Variants in OXNAD1 observed in about 807,000 individuals in gnomAD.
OXNAD1 encodes the protein oxidoreductase NAD binding domain containing 1.
Under a neutral mutation model 32.9 loss-of-function variants are expected in OXNAD1, and 34 were observed. That is an observed-to-expected ratio of 1.03 (90% CI 0.79 to 1.38). The LOEUF (loss-of-function observed/expected upper bound fraction) is 1.38. Among genes scored for constraint, OXNAD1 ranks in the 40% most tolerant of loss-of-function variants. The probability of loss-of-function intolerance (pLI) is 0.00; values close to 1 mark genes in which losing one functional copy is unlikely to be tolerated. For missense variants in OXNAD1, 407 were observed against 379.4 expected, an observed-to-expected ratio of 1.07 and a Z score of -0.60; for synonymous variants, 134 against 135.2, an observed-to-expected ratio of 0.99 and a Z score of 0.06.
At position 16,278,499 on chromosome 3, in the gene OXNAD1, C is replaced by A. The variant is rs370678831; in HGVS notation, c.183+6777C>A. On this transcript the variant is annotated intron_variant, in intron 4 of 8. Transcript: ENST00000285083. ...TAGGATGACCCTGCTTCCTCATTTG[C>A]CTGAAATAGTCCTGGTTTATGCCTC... is the stretch of plus-strand genomic sequence containing the variant. 3.9e-5 allele frequency among the ~76,000 whole-genome samples: 6 copies of A among 152,284 alleles called. No homozygotes were observed. In the East Asian group the frequency reaches 1.2e-3, roughly 29 times the overall value.
At chr3:16,324,701 A>C (rs2069517452) in intron 9 of OXNAD1, among the ~76,000 whole-genome samples, 1 of 101,498 alleles carries the variant, frequency 9.9e-6, no homozygotes, top group Non-Finnish European at 2.1e-5. Flanking sequence ...ATATATATAT[A>C]TCACATTTTC....
Position 16,317,321 on chromosome 3 carries a change from A to T in OXNAD1, c.*30+13729A>T, listed in dbSNP as rs2068515981. The T allele has an allele frequency of 1.5e-6, 2 of 1,357,266 alleles. No individual in the cohort carries two copies. Among genetic ancestry groups the T allele is most frequent in the Non-Finnish European group, 1.0e-6 (1 of 981,172 alleles). 84.1% of individuals were successfully genotyped at this position (1,357,266 alleles called of 1,614,324 possible). A position where few individuals can be genotyped will look rare whatever the true frequency, so the allele number is the denominator to read the frequency against. ...CCTTGTTTGCATTCATACCCACACC[A>T]TGTCTGAGTGAGACATACAATTCCC... On this transcript the variant is annotated intron_variant, in intron 9 of 9. Coordinates refer to the OXNAD1 transcript ENST00000435829. The surrounding 1 kb of genome is among the most constrained non-coding windows in gnomAD (Gnocchi z 4.3).
chr3:16,343,737 A>G (rs2071462061), intron 9 of OXNAD1, among the ~76,000 whole-genome samples: 1 of 152,256 alleles, frequency 6.6e-6, no homozygotes, highest in South Asian at 2.1e-4. Context: ...CCTGCAACAC[A>G]AAAGGAACTA....
chr3:16,312,591 G>A lies in OXNAD1; in HGVS notation c.*30+8999G>A, dbSNP rs1251702156. Among the ~76,000 whole-genome samples, 2 of 152,228 alleles carry A rather than the reference G, an allele frequency of 1.3e-5. No homozygotes were observed. The highest frequency in any genetic ancestry group is 2.9e-5 in the Non-Finnish European group (2 of 68,036). ...GCTCCCTGCAGCACAGTGCCCCTAT[G>A]CCAGCTAGGAGCTCAGCTAGAGTGG... On this transcript the variant is annotated intron_variant, in intron 9 of 9. Transcript: ENST00000435829. This position sits in a 1 kb window ranked among gnomAD's most constrained non-coding sequence, Gnocchi z 4.7.
rs1320796736 is a variant in OXNAD1 at position 16,303,537 on chromosome 3, A to G, written c.914A>G (p.His305Arg). 2.5e-6 allele frequency: 4 copies of G among 1,613,900 alleles called. No individual in the cohort carries two copies. Among genetic ancestry groups the G allele is most frequent in the Admixed American group, 3.3e-5 (2 of 60,000 alleles). The change falls in exon 9 of 9, where the codon CAC becomes CGC. Residue 305 changes from histidine to arginine, a missense_variant. Coordinates refer to ENST00000285083, the MANE Select transcript of OXNAD1 (RefSeq NM_138381.5). The surrounding 1 kb of genome is among the most constrained non-coding windows in gnomAD (Gnocchi z 4.8). Reference protein sequence around the residue: ...QLENNHVPKEHICFEKWW With the variant: ...QLENNHVPKERICFEKWW ...GAAAACAACCATGTACCCAAAGAAC[A>G]CATTTGCTTTGAGAAGTGGTGGTAG...
In OXNAD1 at chr3:16,321,057, A is replaced by C. The variant is rs541390890; in HGVS notation, c.*31-16055A>C. On this transcript the variant is annotated intron_variant, in intron 9 of 9. Coordinates refer to the OXNAD1 transcript ENST00000435829. This position sits in a 1 kb window ranked among gnomAD's most constrained non-coding sequence, Gnocchi z 4.8. ...CCGGGACCTAACACAGATGGGTCTT[A>C]AGGATAGATTGAATATAGGGGAAGG... 4.1e-4 allele frequency among the ~76,000 whole-genome samples: 61 copies of C among 149,652 alleles called. No individual in the cohort carries two copies. Among genetic ancestry groups the C allele is most frequent in the Middle Eastern group, 3.5e-3 (1 of 286 alleles).
In OXNAD1 at chr3:16,346,924, C is replaced by G. The variant is rs1040205805; in HGVS notation, c.*31-2252C>G. Among the ~76,000 whole-genome samples the G allele has an allele frequency of 1.3e-5, 2 of 152,206 alleles. No individual in the cohort carries two copies. The highest frequency in any genetic ancestry group is 4.8e-5 in the African/African-American group (2 of 41,436). On this transcript the variant is annotated intron_variant, in intron 9 of 9. Transcript: ENST00000606098. The surrounding 1 kb of genome is among the most constrained non-coding windows in gnomAD (Gnocchi z 4.4). ...CTGTTGACAAAGCTGACTCTGCAAC[C>G]TCCCCACCTTGCTCTAGACTTCCTG...
downstream of OXNAD1, among the ~76,000 whole-genome samples, chr3:16,341,890 A>G (rs959226370): frequency 6.6e-6 from 1 of 152,214 alleles, no homozygotes; most frequent in Non-Finnish European, 1.5e-5. The surrounding 1 kb of genome is among the most constrained non-coding windows in gnomAD (Gnocchi z 4.7). Flanking sequence ...GCAAATATAG[A>G]TAGAATATAC....
intron 2 of OXNAD1, 41 bp downstream of exon 2, chr3:16,269,316 T>A (rs1459847151): frequency 2.2e-5 from 33 of 1,524,712 alleles, no homozygotes; most frequent in Non-Finnish European, 2.8e-5. Context: ...AAGGTAACAT[T>A]ATTGACTTAG....
intron 4 of OXNAD1, among the ~76,000 whole-genome samples, chr3:16,282,297 TG>T (rs1386796553): frequency 6.6e-6 from 1 of 151,838 alleles, no homozygotes; most frequent in Non-Finnish European, 1.5e-5. Context: ...CTGCTCTCCC[TG>T]AACTCTCCCA....
At chr3:16,283,241 C>G (rs1464188584) in intron 4 of OXNAD1, among the ~76,000 whole-genome samples, 1 of 152,188 alleles carries the variant, frequency 6.6e-6, no homozygotes, top group African/African-American at 2.4e-5. Flanking sequence ...TCTGCATACC[C>G]TGTTCCCCAG....
At position 16,269,187 on chromosome 3, in the gene OXNAD1, A is replaced by T. The variant is rs528709506; in HGVS notation, c.-97A>T. ...CCATGTTCCAACTGCTGTACATCCAAAAGTCTCAGTGTAATAGCAGGACCA... is the reference window on the plus strand; with the variant it reads ...CCATGTTCCAACTGCTGTACATCCATAAGTCTCAGTGTAATAGCAGGACCA... On this transcript the variant is annotated 5_prime_UTR_variant, in exon 2 of 9. It introduces an in-frame stop codon into an upstream open reading frame of the 5' UTR. Coordinates refer to ENST00000285083, the MANE Select transcript of OXNAD1 (RefSeq NM_138381.5). 8 of 1,525,146 alleles carry T rather than the reference A, an allele frequency of 5.2e-6. No individual in the cohort carries two copies. Among genetic ancestry groups the T allele is most frequent in the Non-Finnish European group, 7.0e-6 (8 of 1,143,662 alleles). The allele number at this position is 1,525,146 out of a possible 1,614,324, so 94.5% of individuals were successfully genotyped here.
At chr3:16,300,177 T>A (rs776507068) in intron 6 of OXNAD1, among the ~76,000 whole-genome samples, 8 of 152,212 alleles carry the variant, frequency 5.3e-5, no homozygotes, top group Non-Finnish European at 1.2e-4. Flanking sequence ...GAAATGAAAG[T>A]CATAGTTAAT....
chr3:16,302,489 G>A lies in OXNAD1; in HGVS notation c.676-151G>A. On this transcript the variant is annotated intron_variant, in intron 7 of 8. Coordinates refer to ENST00000285083, the MANE Select transcript of OXNAD1 (RefSeq NM_138381.5). This position sits in a 1 kb window ranked among gnomAD's most constrained non-coding sequence, Gnocchi z 4.2. ...AGCCCTCTGTAGTCTGAATGCTCTG[G>A]CCTGCTAGGCTGCAAACAATATCTC... The A allele has an allele frequency of 1.6e-6, 1 of 609,320 alleles. No individual in the cohort carries two copies. The highest frequency in any genetic ancestry group is 2.9e-6 in the Non-Finnish European group (1 of 342,176). 37.7% of individuals were successfully genotyped at this position (609,320 alleles called of 1,614,324 possible).
At chr3:16,326,801 G>C in intron 9 of OXNAD1, 1 of 1,614,118 alleles carries the variant, frequency 6.2e-7, no homozygotes, top group Non-Finnish European at 8.5e-7. Flanking sequence ...GGAGTTGGTA[G>C]CACACAGGTG....
Position 16,346,662 on chromosome 3 carries a change from A to G in OXNAD1, c.*31-2514A>G, listed in dbSNP as rs370332535. 1.1e-4 allele frequency among the ~76,000 whole-genome samples: 17 copies of G among 152,334 alleles called. No individual in the cohort carries two copies. The highest frequency in any genetic ancestry group is 3.6e-4 in the African/African-American group (15 of 41,584). On this transcript the variant is annotated intron_variant, in intron 9 of 9. Transcript: ENST00000606098. The surrounding 1 kb of genome is among the most constrained non-coding windows in gnomAD (Gnocchi z 4.4). ...TGGGTCTGTGACTCAGTCCTGGCCA[A>G]TGAGACCTGAGGAAATCTCTGTTGT...
At position 16,287,990 on chromosome 3, in the gene OXNAD1, C is replaced by T. The variant is rs2066185204; in HGVS notation, c.290+1542C>T. ...ACTGGCTGGTAGTGTGTGACGCTTT[C>T]CCTCCCAGGTGTTGATCAGCATTCA... On this transcript the variant is annotated intron_variant, in intron 5 of 8. Coordinates refer to ENST00000285083, the MANE Select transcript of OXNAD1 (RefSeq NM_138381.5). The surrounding 1 kb of genome is among the most constrained non-coding windows in gnomAD (Gnocchi z 4.8). Among the ~76,000 whole-genome samples the T allele has an allele frequency of 6.6e-6, 1 of 152,152 alleles. No individual in the cohort carries two copies. Among genetic ancestry groups the T allele is most frequent in the East Asian group, 1.9e-4 (1 of 5,198 alleles).
chr3:16,311,923 T>C (rs1388229137), intron 9 of OXNAD1, among the ~76,000 whole-genome samples: 1 of 152,218 alleles, frequency 6.6e-6, no homozygotes, highest in Non-Finnish European at 1.5e-5. Context: ...TGTGTAGGAA[T>C]TTTAAAATGT....
intron 4 of OXNAD1, chr3:16,275,745 T>G (rs1277224919): frequency 1.2e-5 from 2 of 170,370 alleles, no homozygotes; most frequent in Non-Finnish European, 2.7e-5. Flanking sequence ...ATTCTTCAAC[T>G]GTTTGATTAA....
Sources: allele counts gnomAD v4.1 joint callset (sites outside exome capture counted in the v4.1 genomes callset), GRCh38; gene constraint gnomAD v4.1.1; non-coding constraint Gnocchi (gnomAD v3.1); transcripts MANE v1.5; gene names NCBI Gene and HGNC (gene_info 2026-07-23, HGNC 2026-07-21).